NWD1: variants seen among roughly 807,000 people sequenced by gnomAD.
NWD1 encodes the protein NACHT domain- and WD repeat-containing protein 1.
NWD1 carries 129 observed loss-of-function variants against 135.1 expected under a neutral mutation model. The observed-to-expected ratio is 0.96, with a 90% CI of 0.83 to 1.11. NWD1 has a LOEUF of 1.11. Among genes scored for constraint, NWD1 ranks in the 50% least tolerant of loss-of-function variants. The probability of loss-of-function intolerance (pLI) is 0.00; values close to 1 mark genes in which losing one functional copy is unlikely to be tolerated. For synonymous variants in NWD1, 773 were observed against 786.0 expected (o/e 0.98, Z 0.28); for missense variants, 1,740 against 1,851.3 (o/e 0.94, Z 1.10).
chr19:16,738,135 G>C (rs1474242153), intron 4 of NWD1: 4 of 402,784 alleles, frequency 9.9e-6, no homozygotes, highest in Non-Finnish European at 2.0e-5. Context: ...GTTTAGCCCT[G>C]CTTTCAAGCT....
chr19:16,739,272 A>T (rs566333564), intron 4 of NWD1, among the ~76,000 whole-genome samples: 174 of 142,952 alleles, frequency 1.2e-3, no homozygotes, highest in African/African-American at 4.4e-3. Flanking sequence ...TGAGAGGATC[A>T]CTTGAGCCCA....
rs1173801522 is a variant in NWD1, at chr19:16,773,022, GTCT to G, written c.2411-99_2411-97del. Reference sequence around the variant, plus strand: ...CAGAGGCCAGTAGCTGAGGTATTGTGTCTTCTTTTGTTCTGGAGCCCCTGCAGG... The same window carrying G: ...CAGAGGCCAGTAGCTGAGGTATTGTGTCTTTTGTTCTGGAGCCCCTGCAGG... On this transcript the variant is annotated intron_variant, in intron 10 of 18. Coordinates refer to ENST00000524140, the MANE Select transcript of NWD1 (RefSeq NM_001007525.5). The G allele has an allele frequency of 4.3e-6, 4 of 920,178 alleles. No individual in the cohort carries two copies. In the African/African-American group the frequency reaches 4.9e-5, roughly 11 times the overall value. 57.0% of individuals were successfully genotyped at this position (920,178 alleles called of 1,614,324 possible).
At chr19:16,814,194 C>T (rs1381962409) in intron 18 of NWD1, among the ~76,000 whole-genome samples, 1 of 152,028 alleles carries the variant, frequency 6.6e-6, no homozygotes, top group Non-Finnish European at 1.5e-5. Context: ...ATACTGGGTA[C>T]TGTCCTTAAG....
rs199821486 is a variant in NWD1 at position 16,791,381 on chromosome 19, C to A, written c.2972C>A (p.Pro991Gln). 1.2e-6 allele frequency: 2 copies of A among 1,614,028 alleles called. No individual in the cohort carries two copies. Among genetic ancestry groups the A allele is most frequent in the Non-Finnish European group, 1.7e-6 (2 of 1,179,984 alleles). The change falls in exon 14 of 19, where the codon CCG (proline) becomes CAG (glutamine). Residue 991 changes from proline (P) to glutamine (Q), a missense_variant. Pro to Gln is a moderately conservative substitution (Grantham distance 76, BLOSUM62 -1). Coordinates refer to ENST00000524140, the MANE Select transcript of NWD1 (RefSeq NM_001007525.5). ...INAWNLETAE[P>Q]VFHILGDASD... The stretch of plus-strand genomic sequence containing the variant: ...GCTTGGAATCTGGAAACTGCAGAGC[C>A]GGTATTCCATATCCTGGGAGATGCC...
chr19:16,803,927 G>GA (rs558050418), intron 17 of NWD1, among the ~76,000 whole-genome samples: 3,619 of 144,080 alleles, frequency 0.025, 50 homozygotes, highest in Non-Finnish European at 0.035. Context: ...TCCACCACCC[G>GA]AAAAAAAAAA....
Position 16,723,913 on chromosome 19 carries a change from C to G in NWD1, c.-104-453C>G, listed in dbSNP as rs141762214. 1.4e-3 allele frequency among the ~76,000 whole-genome samples: 220 copies of G among 152,088 alleles called. 7 individuals are homozygous for G. In the East Asian group the frequency reaches 0.04, roughly 27 times the overall value. ...GTTTCACCATGTTGGCCGCGCTGGT[C>G]TCCGACTCCTAACCTCAAGTGATCG... On this transcript the variant is annotated intron_variant, in intron 1 of 18. Coordinates refer to ENST00000524140, the MANE Select transcript of NWD1 (RefSeq NM_001007525.5).
chr19:16,722,515 C>T (rs962920390), intron 1 of NWD1, among the ~76,000 whole-genome samples: 3 of 151,858 alleles, frequency 2.0e-5, no homozygotes, highest in Non-Finnish European at 2.9e-5. Flanking sequence ...TCTCAAACTC[C>T]TGACCTCAGG....
At position 16,808,018 on chromosome 19, in the gene NWD1, G is replaced by T; in HGVS notation, c.4169G>T (p.Arg1390Leu). The T allele has an allele frequency of 1.2e-6, 2 of 1,614,110 alleles. No individual in the cohort carries two copies. The highest frequency in any genetic ancestry group is 2.2e-5 in the East Asian group (1 of 44,888). ...TTTCCCTTGGAGACCCACAGGAGCC[G>T]AGTTGCCTGTGTGGAGGTCAGCCAC... ...KAFPLETHRS[R>L]VACVEVSHKE... The change falls in exon 18 of 19, where the codon CGA becomes CTA. Residue 1390 changes from arginine (R) to leucine (L), a missense_variant. Physicochemically the swap from Arg to Leu is moderately radical, Grantham distance 102 (BLOSUM62 -2). Coordinates refer to ENST00000524140, the MANE Select transcript of NWD1 (RefSeq NM_001007525.5).
Position 16,759,327 on chromosome 19 carries a change from G to A in NWD1, c.1872G>A (p.Leu624=). The A allele has an allele frequency of 6.2e-7, 1 of 1,614,030 alleles. No individual in the cohort carries two copies. ...GGACCCCGCCCAGCAAGGAGCTGCT[G>A]CGCTTCCCGCCCCTGCTGTGGGTGC... is the stretch of plus-strand genomic sequence containing the variant. ...RDWTPPSKEL[L]RFPPLLWVRL... is the part of the protein sequence containing the mutation. Residue 624 remains leucine (L), a synonymous_variant, in exon 7 of 19, where the codon CTG becomes CTA. Coordinates refer to ENST00000524140, the MANE Select transcript of NWD1 (RefSeq NM_001007525.5).
chr19:16,737,664 C>T (rs1403769766), intron 4 of NWD1, among the ~76,000 whole-genome samples: 1 of 151,338 alleles, frequency 6.6e-6, no homozygotes, highest in Non-Finnish European at 1.5e-5. Flanking sequence ...AGAACGATCA[C>T]ATTTTCCTTA....
chr19:16,731,945 G>T (rs538834437), intron 3 of NWD1, among the ~76,000 whole-genome samples: 1 of 151,988 alleles, frequency 6.6e-6, no homozygotes, highest in South Asian at 2.1e-4. Flanking sequence ...GACTGGGCGC[G>T]GTGGCTGACA....
chr19:16,732,397 G>C (rs190424113), intron 3 of NWD1, among the ~76,000 whole-genome samples: 43 of 151,882 alleles, frequency 2.8e-4, no homozygotes, highest in Non-Finnish European at 1.5e-5. Context: ...TGTTGCTGCT[G>C]TTTTTGTCTT....
intron 1 of NWD1, among the ~76,000 whole-genome samples, chr19:16,721,168 G>T (rs1388255210): frequency 6.6e-6 from 1 of 151,976 alleles, no homozygotes; most frequent in Non-Finnish European, 1.5e-5. Flanking sequence ...CTTTTTAATT[G>T]TGACGACTTT....
At chr19:16,738,265 A>G (rs1047943903) in intron 4 of NWD1, 27 of 450,730 alleles carry the variant, frequency 6.0e-5, no homozygotes, top group Non-Finnish European at 1.1e-4. Flanking sequence ...GTAAAGAGGG[A>G]AAAAGTAAAG....
intron 18 of NWD1, among the ~76,000 whole-genome samples, chr19:16,809,424 A>G (rs1970853322): frequency 1.3e-5 from 2 of 152,078 alleles, no homozygotes; most frequent in Non-Finnish European, 2.9e-5. Context: ...ATGAATACCA[A>G]AATTCCATGA....
chr19:16,754,424 C>G (rs988620535), intron 6 of NWD1, among the ~76,000 whole-genome samples: 3 of 150,892 alleles, frequency 2.0e-5, no homozygotes, highest in Non-Finnish European at 3.0e-5. Flanking sequence ...GTCTATCCGC[C>G]CATCATTTCT....
chr19:16,734,314 C>T (rs1004612408), intron 3 of NWD1, among the ~76,000 whole-genome samples: 3 of 151,998 alleles, frequency 2.0e-5, no homozygotes, highest in African/African-American at 2.4e-5. Flanking sequence ...TCTGGGAGGC[C>T]GAGACAGGCA....
At chr19:16,724,119 GAGAGGATAGTA>G (rs1452407952) in intron 1 of NWD1, among the ~76,000 whole-genome samples, 2 of 152,212 alleles carry the variant, frequency 1.3e-5, no homozygotes, top group African/African-American at 4.8e-5. Flanking sequence ...AGTCAAGGCA[GAGAGGATAGTA>G]AGAGCAAAGA....
chr19:16,761,951 T>A, intron 7 of NWD1, 28 bp from the exon 8 acceptor site: 1 of 1,586,688 alleles, frequency 6.3e-7, no homozygotes, highest in Non-Finnish European at 8.6e-7. Flanking sequence ...GTCACCCAGG[T>A]CTATCAGTCT....
Sources: allele counts gnomAD v4.1 joint callset (sites outside exome capture counted in the v4.1 genomes callset), GRCh38; gene constraint gnomAD v4.1.1; transcripts MANE v1.5; gene names NCBI Gene and HGNC (gene_info 2026-07-23, HGNC 2026-07-21).